CTNNA3: variants seen among roughly 807,000 people sequenced by gnomAD.
CTNNA3 encodes catenin alpha-3.
A neutral mutation model predicts 95.7 loss-of-function variants in CTNNA3; 76 were observed. The observed-to-expected ratio is 0.79, with a 90% confidence interval of 0.66 to 0.96. CTNNA3 has a LOEUF of 0.96. Ranked by LOEUF, CTNNA3 falls within the 40% of genes least tolerant of loss-of-function variation. CTNNA3 has a pLI of 0.00. For synonymous variants in CTNNA3, 431 were observed against 374.4 expected (o/e 1.15, Z -1.74); for missense variants, 1,191 against 1,089.8 (o/e 1.09, Z -1.31).
At chr10:66,019,632 A>G (rs959354567) in intron 15 of CTNNA3, among the ~76,000 whole-genome samples, 4 of 152,208 alleles carry the variant, frequency 2.6e-5, no homozygotes, top group Non-Finnish European at 5.9e-5. Flanking sequence ...CTAAGTAAAC[A>G]TAGGACTACA....
chr10:67,710,785 T>G (rs941539508), intron 1 of CTNNA3, among the ~76,000 whole-genome samples: 1 of 152,170 alleles, frequency 6.6e-6, no homozygotes, highest in South Asian at 2.1e-4. Flanking sequence ...AAATAATCTG[T>G]GTCCTGACTG....
chr10:66,417,866 G>C (rs927594663), intron 11 of CTNNA3, among the ~76,000 whole-genome samples: 4 of 151,780 alleles, frequency 2.6e-5, no homozygotes, highest in African/African-American at 9.7e-5. Context: ...AGCTAAAGTA[G>C]TACTACGAGG....
chr10:67,507,282 C>T (rs552187268), intron 5 of CTNNA3, among the ~76,000 whole-genome samples: 1 of 152,276 alleles, frequency 6.6e-6, no homozygotes, highest in East Asian at 1.9e-4. Context: ...GTAATCCCAG[C>T]ACTTTGGGAG....
chr10:66,047,836 C>A lies in CTNNA3; in HGVS notation c.2159+21472G>T, dbSNP rs1213422892. Among the ~76,000 whole-genome samples the A allele has an allele frequency of 2.6e-5, 4 of 152,072 alleles. No homozygotes were observed. In the East Asian group the frequency reaches 7.7e-4, roughly 29 times the overall value. ...TAGCATTCCTATACACCCACAATAGCCAAACCGAGACCCAAATCAGCAAGG... is the reference window on the plus strand; with the variant it reads ...TAGCATTCCTATACACCCACAATAGACAAACCGAGACCCAAATCAGCAAGG... On this transcript the variant is annotated intron_variant, in intron 15 of 17. Coordinates refer to ENST00000433211, the MANE Select transcript of CTNNA3 (RefSeq NM_013266.4).
chr10:66,174,289 A>G (rs116398521), intron 13 of CTNNA3, among the ~76,000 whole-genome samples: 1 of 152,106 alleles, frequency 6.6e-6, no homozygotes, highest in African/African-American at 2.4e-5. Context: ...AAATGGTAAA[A>G]TATAACAAAG....
At chr10:67,107,812 C>G (rs1407314184) in intron 7 of CTNNA3, among the ~76,000 whole-genome samples, 4 of 152,014 alleles carry the variant, frequency 2.6e-5, no homozygotes, top group African/African-American at 9.7e-5. Context: ...GGTGCAGTCA[C>G]ACAGAGGTTC....
chr10:66,974,538 G>C (rs1849916695), intron 7 of CTNNA3, among the ~76,000 whole-genome samples: 1 of 152,120 alleles, frequency 6.6e-6, no homozygotes, highest in South Asian at 2.1e-4. Flanking sequence ...GTAATTACTG[G>C]TTCGTAGTGT....
In CTNNA3 at chr10:66,369,495, T is replaced by C. The variant is rs200775359; in HGVS notation, c.1732+9657A>G. Reference sequence around the variant, plus strand: ...TCATTGATGATCTTATGATATCTAGTGTTTACAGTTTTTTTGTTTTTCTAT... The same window carrying C: ...TCATTGATGATCTTATGATATCTAGCGTTTACAGTTTTTTTGTTTTTCTAT... On this transcript the variant is annotated intron_variant, in intron 12 of 17. Transcript: ENST00000433211. 1.9e-4 allele frequency among the ~76,000 whole-genome samples: 29 copies of C among 152,284 alleles called. No individual in the cohort carries two copies. The East Asian group carries it at 4.8e-3, about 25-fold the overall frequency.
chr10:66,701,441 G>A (rs192450481), intron 9 of CTNNA3, among the ~76,000 whole-genome samples: 1 of 152,258 alleles, frequency 6.6e-6, no homozygotes, highest in Non-Finnish European at 1.5e-5. Flanking sequence ...ATCAATTGAG[G>A]AGAAGAGAAG....
intron 11 of CTNNA3, among the ~76,000 whole-genome samples, chr10:66,414,183 C>A (rs1349155790): frequency 1.3e-5 from 2 of 152,156 alleles, no homozygotes. Context: ...TTAGGTAGTT[C>A]AAAAATGGGT....
At chr10:66,651,774 G>T (rs1203462613) in intron 9 of CTNNA3, among the ~76,000 whole-genome samples, 1 of 65,888 alleles carries the variant, frequency 1.5e-5, no homozygotes. Context: ...GGCCAGCCAA[G>T]CCCACGCCCA....
chr10:67,461,229 A>G (rs1422596695), intron 5 of CTNNA3, among the ~76,000 whole-genome samples: 1 of 152,198 alleles, frequency 6.6e-6, no homozygotes, highest in East Asian at 1.9e-4. Flanking sequence ...TTGAGAGAAC[A>G]CTGATATATT....
chr10:67,374,768 G>A (rs1044794908), intron 5 of CTNNA3, among the ~76,000 whole-genome samples: 1 of 152,122 alleles, frequency 6.6e-6, no homozygotes, highest in Non-Finnish European at 1.5e-5. Context: ...GGGCCTCAGG[G>A]AGAAGAAACA....
intron 2 of CTNNA3, among the ~76,000 whole-genome samples, chr10:67,638,865 A>G (rs2133455990): frequency 6.6e-6 from 1 of 152,226 alleles, no homozygotes; most frequent in Non-Finnish European, 1.5e-5. Context: ...AGCAGTGTGT[A>G]GAGGGAAATT....
chr10:66,590,847 A>C (rs1165771792), intron 10 of CTNNA3, among the ~76,000 whole-genome samples: 1 of 152,134 alleles, frequency 6.6e-6, no homozygotes, highest in Non-Finnish European at 1.5e-5. Flanking sequence ...TAGAGGGAGA[A>C]AAATGGCTTA....
intron 11 of CTNNA3, among the ~76,000 whole-genome samples, chr10:66,395,861 G>A (rs2132543678): frequency 6.6e-6 from 1 of 151,888 alleles, no homozygotes; most frequent in South Asian, 2.1e-4. Context: ...GTGAGGTTTG[G>A]GCTCCTAGCA....
intron 9 of CTNNA3, among the ~76,000 whole-genome samples, chr10:66,627,362 T>A (rs1844973791): frequency 6.6e-6 from 1 of 152,248 alleles, no homozygotes; most frequent in African/African-American, 2.4e-5. Context: ...AGCCTGGGCA[T>A]ATCCCTTACT....
chr10:66,991,334 A>G (rs1056606823), intron 7 of CTNNA3, among the ~76,000 whole-genome samples: 1 of 152,218 alleles, frequency 6.6e-6, no homozygotes, highest in Non-Finnish European at 1.5e-5. Context: ...TGCTTTTCTG[A>G]AATAATATTT....
At chr10:66,986,588 T>C (rs1432431368) in intron 7 of CTNNA3, among the ~76,000 whole-genome samples, 1 of 152,154 alleles carries the variant, frequency 6.6e-6, no homozygotes, top group Non-Finnish European at 1.5e-5. Context: ...GGAAATACTC[T>C]GTAGTTTATA....
Sources: gnomAD v4.1 joint callset for allele counts (sites outside exome capture counted in the v4.1 genomes callset) on GRCh38, gnomAD v4.1.1 for gene constraint, MANE v1.5 for transcripts, NCBI Gene and HGNC (gene_info 2026-07-23, HGNC 2026-07-21) for gene names.